ONECUT1: variants seen among roughly 807,000 people sequenced by gnomAD.
ONECUT1 encodes the protein hepatocyte nuclear factor 6.
Under a neutral mutation model 25.6 loss-of-function variants are expected in ONECUT1, and 12 were observed. The observed-to-expected ratio is 0.47, with a 90% CI of 0.30 to 0.76. ONECUT1 has a LOEUF of 0.76. ONECUT1 is among the 30% of genes least tolerant of loss of function. The pLI is 0.07. For synonymous variants in ONECUT1, 285 were observed against 270.2 expected (o/e 1.05, Z -0.54); for missense variants, 620 against 651.2 (o/e 0.95, Z 0.52).
chr15:52,768,196 G>A (rs1168569451), intron 1 of ONECUT1, among the ~76,000 whole-genome samples: 1 of 152,150 alleles, frequency 6.6e-6, no homozygotes. Flanking sequence ...GTAGAATTGG[G>A]ATGTTCCTAA....
Position 52,756,170 on chromosome 15 carries a change from C to T in ONECUT1, c.*1385G>A, listed in dbSNP as rs2083672714. 1.3e-5 allele frequency among the ~76,000 whole-genome samples: 2 copies of T among 152,172 alleles called. No individual in the cohort carries two copies. Among genetic ancestry groups the T allele is most frequent in the African/African-American group, 2.4e-5 (1 of 41,442 alleles). On this transcript the variant is annotated 3_prime_UTR_variant, in exon 2 of 2. Transcript: ENST00000305901. ...CAGTTCCACCAATTCCACCATTTCT[C>T]AGTTGCACCTGCTGTTTTGTTGACG...
At position 52,767,728 on chromosome 15, in the gene ONECUT1, T is replaced by C. The variant is rs56143579; in HGVS notation, c.1106-9881A>G. On this transcript the variant is annotated intron_variant, in intron 1 of 1. Coordinates refer to ENST00000305901, the MANE Select transcript of ONECUT1 (RefSeq NM_004498.4). The stretch of plus-strand genomic sequence containing the variant: ...TGATTTCTATCAGTATATGAAGAGA[T>C]ATCTGCACTGCCATGTTCATTGCAG... Among the ~76,000 whole-genome samples, 1,364 of 152,310 alleles carry C rather than the reference T, an allele frequency of 9.0e-3. 31 individuals are homozygous for C. Among genetic ancestry groups the C allele is most frequent in the African/African-American group, 0.032 (1,330 of 41,566 alleles).
At chr15:52,765,782 G>T (rs531353987) in intron 1 of ONECUT1, among the ~76,000 whole-genome samples, 1 of 152,310 alleles carries the variant, frequency 6.6e-6, no homozygotes, top group South Asian at 2.1e-4. Context: ...TTACTGTGCA[G>T]TGTATATTTT....
chr15:52,780,562 T>C, intron 1 of ONECUT1: 1 of 1,530,774 alleles, frequency 6.5e-7, no homozygotes, highest in Non-Finnish European at 8.8e-7. Context: ...CCCAAATGAA[T>C]TGAAAGGACA....
rs78576280 is a variant in ONECUT1 at position 52,782,780 on chromosome 15, C to T, written c.1105+6000G>A. Reference sequence around the variant, plus strand: ...GAAAGGAAACTAGTCATTTCTCATTCAAACCATCAAGGCTCCTAGATTGAT... The same window carrying T: ...GAAAGGAAACTAGTCATTTCTCATTTAAACCATCAAGGCTCCTAGATTGAT... On this transcript the variant is annotated intron_variant, in intron 1 of 1. Coordinates refer to ENST00000305901, the MANE Select transcript of ONECUT1 (RefSeq NM_004498.4). Among the ~76,000 whole-genome samples, 1,464 of 152,248 alleles carry T rather than the reference C, an allele frequency of 9.6e-3. 26 individuals are homozygous for T. The highest frequency in any genetic ancestry group is 0.033 in the African/African-American group (1,365 of 41,524).
chr15:52,769,996 G>T (rs571106177), intron 1 of ONECUT1, among the ~76,000 whole-genome samples: 6 of 152,332 alleles, frequency 3.9e-5, no homozygotes, highest in South Asian at 2.1e-4. Context: ...AAGACTCAAA[G>T]AATGCTTTAT....
Position 52,777,731 on chromosome 15 carries a change from C to CAA in ONECUT1, c.1105+11048_1105+11049insTT, listed in dbSNP as rs1370694948. Among the ~76,000 whole-genome samples the CAA allele has an allele frequency of 2.7e-4, 23 of 84,222 alleles. No homozygotes were observed. In the East Asian group the frequency reaches 4.9e-3, roughly 18 times the overall value. The allele number at this position is 84,222 out of a possible 152,430, so 55.3% of individuals were successfully genotyped here. On this transcript the variant is annotated intron_variant, in intron 1 of 1. Coordinates refer to ENST00000305901, the MANE Select transcript of ONECUT1 (RefSeq NM_004498.4). ...ACACACACACACACACACACACACA[C>CAA]ACACACAAAAAAACATGTAAAGTTA...
In ONECUT1 at chr15:52,777,722, AC is replaced by A. The variant is rs1566992312; in HGVS notation, c.1105+11057del. Among the ~76,000 whole-genome samples the A allele has an allele frequency of 2.1e-4, 24 of 116,060 alleles. 1 individual carries two copies. In the East Asian group the frequency reaches 5.1e-3, roughly 24 times the overall value. The allele number at this position is 116,060 out of a possible 152,430, so 76.1% of individuals were successfully genotyped here. A position where few individuals can be genotyped will look rare whatever the true frequency, so the allele number is the denominator to read the frequency against. On this transcript the variant is annotated intron_variant, in intron 1 of 1. Transcript: ENST00000305901. ...AACACACACACACACACACACACAC[AC>A]ACACACACACACACAAAAAAACATG...
Position 52,769,158 on chromosome 15 carries a change from C to T in ONECUT1, c.1106-11311G>A, listed in dbSNP as rs574940949. Among the ~76,000 whole-genome samples, 13 of 152,300 alleles carry T rather than the reference C, an allele frequency of 8.5e-5. No homozygotes were observed. The South Asian group carries it at 2.3e-3, about 27-fold the overall frequency. On this transcript the variant is annotated intron_variant, in intron 1 of 1. Transcript: ENST00000305901. ...CTCAAGCATCTTCTTTTCTGCTAAG[C>T]CTTCTCCATCCCCTCTCCCATCCAG...
rs758341157 is a variant in ONECUT1, at chr15:52,757,620, G to C, written c.1333C>G (p.Gln445Glu). Residue 445 changes from glutamine (Q) to glutamate (E), a missense_variant, in exon 2 of 2, where the codon CAG becomes GAG. By Grantham distance (29) the Gln-to-Glu change is conservative (BLOSUM62 2). This residue lies in a region of ONECUT1 where 30 missense variants were observed against 25.1 expected (regional missense o/e 1.20). Coordinates refer to ENST00000305901, the MANE Select transcript of ONECUT1 (RefSeq NM_004498.4). ...NARRRSLDKW[Q>E]DEGSSNSGNS... Reference sequence around the variant, plus strand: ...CCTGAATTGGAGCTGCCCTCGTCCTGCCACTTGTCCAGACTCCTCCTTCTT... The same window carrying C: ...CCTGAATTGGAGCTGCCCTCGTCCTCCCACTTGTCCAGACTCCTCCTTCTT... The C allele has an allele frequency of 8.1e-6, 13 of 1,613,962 alleles. No individual in the cohort carries two copies. The African/African-American group carries it at 1.6e-4, about 20-fold the overall frequency.
chr15:52,787,459 A>C (rs1187792247), intron 1 of ONECUT1, among the ~76,000 whole-genome samples: 1 of 151,766 alleles, frequency 6.6e-6, no homozygotes, highest in African/African-American at 2.4e-5. Flanking sequence ...TTGATTTTAG[A>C]CTGTGAAACG....
Position 52,790,127 on chromosome 15 carries a change from T to A in ONECUT1, c.-243A>T. 2.1e-6 allele frequency: 1 copy of A among 479,076 alleles called. No homozygotes were observed. The highest frequency in any genetic ancestry group is 3.3e-6 in the Non-Finnish European group (1 of 304,292). 29.7% of individuals were successfully genotyped at this position (479,076 alleles called of 1,614,324 possible). A position where few individuals can be genotyped will look rare whatever the true frequency, so the allele number is the denominator to read the frequency against. ...ACCCCCCACCTTCCCCTCTGCGTCC[T>A]CGGCTTTTTTTTTTTTAATATTAAT... On this transcript the variant is annotated 5_prime_UTR_variant, in exon 1 of 2. Transcript: ENST00000305901.
At chr15:52,785,078 C>T (rs1217415992) in intron 1 of ONECUT1, among the ~76,000 whole-genome samples, 3 of 152,252 alleles carry the variant, frequency 2.0e-5, no homozygotes, top group African/African-American at 7.2e-5. Context: ...GCTCCTGCGT[C>T]CCACACGCCC....
rs79218937 is a variant in ONECUT1, at chr15:52,788,479, C to T, written c.1105+301G>A. ...TGTCTCACCAGGTGCGGGGATTTCT[C>T]TCCGCCTCAGGCCGTACGAGCTTCC... On this transcript the variant is annotated intron_variant, in intron 1 of 1. Transcript: ENST00000305901. This position sits in a 1 kb window ranked among gnomAD's most constrained non-coding sequence, Gnocchi z 4.3. The T allele has an allele frequency of 5.0e-4, 190 of 381,394 alleles. No individual in the cohort carries two copies. The highest frequency in any genetic ancestry group is 3.3e-3 in the African/African-American group (168 of 50,308). 23.6% of individuals were successfully genotyped at this position (381,394 alleles called of 1,614,324 possible). A position where few individuals can be genotyped will look rare whatever the true frequency, so the allele number is the denominator to read the frequency against.
intron 1 of ONECUT1, among the ~76,000 whole-genome samples, chr15:52,777,083 A>G (rs2083805731): frequency 6.6e-6 from 1 of 152,222 alleles, no homozygotes; most frequent in Admixed American, 6.5e-5. Flanking sequence ...ATGGAGGAGC[A>G]TGTTGAATCA....
In ONECUT1 at chr15:52,757,439, C is replaced by CT. The variant is rs1005374338; in HGVS notation, c.*115dup. 7.3e-5 allele frequency: 88 copies of CT among 1,207,030 alleles called. No homozygotes were observed. Among genetic ancestry groups the CT allele is most frequent in the Non-Finnish European group, 8.5e-5 (74 of 866,592 alleles). 74.8% of individuals were successfully genotyped at this position (1,207,030 alleles called of 1,614,324 possible). ...TGGTTTCTTTGGACTATAAATAACG[C>CT]TTTTTTTTCTTCAAATATTTCTAAG... On this transcript the variant is annotated 3_prime_UTR_variant, in exon 2 of 2. Transcript: ENST00000305901.
At chr15:52,771,578 A>G (rs1023738856) in intron 1 of ONECUT1, among the ~76,000 whole-genome samples, 2 of 144,416 alleles carry the variant, frequency 1.4e-5, no homozygotes, top group Non-Finnish European at 3.0e-5. Flanking sequence ...ATTCTTATTT[A>G]TATCTTTAAG....
At chr15:52,759,402 T>G (rs939792341) in intron 1 of ONECUT1, among the ~76,000 whole-genome samples, 2 of 152,148 alleles carry the variant, frequency 1.3e-5, no homozygotes, top group African/African-American at 4.8e-5. Context: ...CAGCAACAGA[T>G]CAGCTGCAGA....
chr15:52,786,422 C>T (rs1224395035), intron 1 of ONECUT1, among the ~76,000 whole-genome samples: 2 of 152,344 alleles, frequency 1.3e-5, no homozygotes, highest in East Asian at 3.9e-4. Context: ...GACACAGAGT[C>T]GGCTTGGTGT....
Sources: allele counts gnomAD v4.1 joint callset (sites outside exome capture counted in the v4.1 genomes callset), GRCh38; gene constraint gnomAD v4.1.1; regional missense constraint gnomAD v4.1.1; non-coding constraint Gnocchi (gnomAD v3.1); transcripts MANE v1.5; gene names NCBI Gene and HGNC (gene_info 2026-07-23, HGNC 2026-07-21).